The following HMCN2 variants were observed in gnomAD, a reference collection of about 807,000 sequenced individuals.
The protein encoded by HMCN2 is hemicentin-2.
Under a neutral mutation model 377.5 loss-of-function variants are expected in HMCN2, and 325 were observed. That is an observed-to-expected ratio of 0.86 (90% confidence interval 0.79 to 0.94). The LOEUF (loss-of-function observed/expected upper bound fraction) is 0.94. Ranked by LOEUF, HMCN2 falls within the 40% of genes least tolerant of loss-of-function variation. HMCN2 has a pLI of 0.00. For synonymous variants in HMCN2, 2,007 were observed against 2,046.8 expected (o/e 0.98, Z 0.53); for missense variants, 4,543 against 4,725.3 (o/e 0.96, Z 1.13).
chr9:130,425,590 G>A (rs1844290121), intron 89 of HMCN2, 97 bp from the exon 90 acceptor site: 2 of 904,718 alleles, frequency 2.2e-6, no homozygotes, highest in Admixed American at 4.2e-5. Context: ...CTGCTTGGGA[G>A]TTGAAATCTC....
chr9:130,368,505 A>T, intron 44 of HMCN2, 68 bp downstream of exon 44: 1 of 865,834 alleles, frequency 1.2e-6, no homozygotes, highest in Non-Finnish European at 1.4e-6. Context: ...GCTGCCCTGA[A>T]ATTGGAGCAA....
At chr9:130,297,199 C>T (rs1836216072) in intron 7 of HMCN2, among the ~76,000 whole-genome samples, 1 of 152,202 alleles carries the variant, frequency 6.6e-6, no homozygotes, top group Admixed American at 6.5e-5. Context: ...AGAACACATG[C>T]CAGTGAGTTG....
chr9:130,355,969 G>A, intron 33 of HMCN2, 115 bp downstream of exon 33: 1 of 905,894 alleles, frequency 1.1e-6, no homozygotes, highest in South Asian at 1.6e-5. Flanking sequence ...GTAGGAAAGA[G>A]GCCTGGAGCC....
intron 49 of HMCN2, among the ~76,000 whole-genome samples, chr9:130,374,923 G>T (rs1435263376): frequency 6.6e-6 from 1 of 152,216 alleles, no homozygotes; most frequent in Non-Finnish European, 1.5e-5. Context: ...GGTGGGAGAT[G>T]TGCTTGTCCC....
rs1265670468 is a variant in HMCN2, at chr9:130,369,576, C to G, written c.6794C>G (p.Pro2265Arg). The change falls in exon 45 of 98, where the codon CCT becomes CGT. Residue 2265 changes from proline (P) to arginine (R), a missense_variant. By Grantham distance (103) the Pro-to-Arg change is moderately radical. This residue lies in a region of HMCN2 where 1,032 missense variants were observed against 1,285.1 expected (regional missense o/e 0.80). Transcript: ENST00000683500. The surrounding 1 kb of genome is among the most constrained non-coding windows in gnomAD (Gnocchi z 4.5). The part of the protein sequence containing the change: ...QDLQLEVHVP[P>R]QIAGPREPPT... ...TTTCTCCCCACCCCAACAGTTCCCC[C>G]TCAGATTGCCGGTCCCCGGGAGCCT... The G allele has an allele frequency of 6.1e-6, 6 of 985,864 alleles. No individual in the cohort carries two copies. In the East Asian group the frequency reaches 4.5e-4, roughly 75 times the overall value. 61.1% of individuals were successfully genotyped at this position (985,864 alleles called of 1,614,324 possible).
intron 89 of HMCN2, among the ~76,000 whole-genome samples, 191 bp from the exon 90 acceptor site, chr9:130,425,495 CA>C (rs1415250372): frequency 2.0e-5 from 3 of 151,852 alleles, no homozygotes; most frequent in Admixed American, 1.3e-4. Context: ...CATCTCTTCC[CA>C]AGGCTCACCC....
intron 15 of HMCN2, among the ~76,000 whole-genome samples, chr9:130,318,962 G>A (rs1486822708): frequency 6.6e-6 from 1 of 152,160 alleles, no homozygotes; most frequent in Non-Finnish European, 1.5e-5. Context: ...GCTGAGTCCC[G>A]CCAGGCCCCC....
At chr9:130,386,402 C>T (rs1842022915) in intron 60 of HMCN2, 41 bp from the exon 61 acceptor site, 2 of 1,259,352 alleles carry the variant, frequency 1.6e-6, no homozygotes, top group African/African-American at 3.1e-5. Context: ...ACCCCACTTC[C>T]AGCTCCAGCA....
intron 11 of HMCN2, 141 bp from the exon 12 acceptor site, chr9:130,305,988 G>C (rs568661914): frequency 4.1e-4 from 156 of 377,184 alleles, no homozygotes; most frequent in Non-Finnish European, 7.7e-4. Flanking sequence ...ACACCCGGGA[G>C]ATTGAAGCCC....
chr9:130,278,244 C>A (rs1554924209), intron 1 of HMCN2, among the ~76,000 whole-genome samples: 1 of 152,174 alleles, frequency 6.6e-6, no homozygotes, highest in East Asian at 1.9e-4. Flanking sequence ...CCTGCCTCAG[C>A]CTCCCGAGTA....
chr9:130,391,230 G>A lies in HMCN2; in HGVS notation c.9694G>A (p.Val3232Met), dbSNP rs377210084. ...LVAPRIRSSG[V>M]AREHHVLEGQ... ...GGCCCCCCGGATCCGGAGCTCGGGC[G>A]TGGCGCGGGAGCACCATGTCTTGGA... is the stretch of plus-strand genomic sequence containing the variant. The change falls in exon 64 of 98, where the codon GTG becomes ATG. Residue 3232 changes from valine (V) to methionine (M), a missense_variant. Val to Met is a conservative substitution (Grantham distance 21, BLOSUM62 1). Coordinates refer to ENST00000683500, the MANE Select transcript of HMCN2 (RefSeq NM_001291815.2). 132 of 987,856 alleles carry A rather than the reference G, an allele frequency of 1.3e-4. No individual in the cohort carries two copies. In the African/African-American group the frequency reaches 1.9e-3, roughly 14 times the overall value. The allele number at this position is 987,856 out of a possible 1,614,324, so 61.2% of individuals were successfully genotyped here. A position where few individuals can be genotyped will look rare whatever the true frequency, so the allele number is the denominator to read the frequency against.
At chr9:130,381,273 C>T (rs1464254982) in intron 54 of HMCN2, among the ~76,000 whole-genome samples, 2 of 152,212 alleles carry the variant, frequency 1.3e-5, no homozygotes, top group Non-Finnish European at 2.9e-5. Context: ...CCGGGCCGGC[C>T]AGCCCCAGCC....
intron 24 of HMCN2, among the ~76,000 whole-genome samples, chr9:130,342,096 C>T (rs2131480674): frequency 6.6e-6 from 1 of 152,206 alleles, no homozygotes; most frequent in South Asian, 2.1e-4. Context: ...AGGGACCACT[C>T]ATGGCCCCTT....
chr9:130,394,926 T>C lies in HMCN2; in HGVS notation c.10693-101T>C. ...AGGTGGATGGCAGACCTCGCAGGGCTGAGTTTGAATCCTGGGTCCCTCGAT... is the reference window on the plus strand; with the variant it reads ...AGGTGGATGGCAGACCTCGCAGGGCCGAGTTTGAATCCTGGGTCCCTCGAT... On this transcript the variant is annotated intron_variant, in intron 69 of 97. Coordinates refer to ENST00000683500, the MANE Select transcript of HMCN2 (RefSeq NM_001291815.2). The surrounding 1 kb of genome is among the most constrained non-coding windows in gnomAD (Gnocchi z 5.1). The C allele has an allele frequency of 1.4e-6, 1 of 727,524 alleles. No homozygotes were observed. The highest frequency in any genetic ancestry group is 2.0e-6 in the Non-Finnish European group (1 of 506,508). The allele number at this position is 727,524 out of a possible 1,614,324, so 45.1% of individuals were successfully genotyped here.
chr9:130,419,595 A>G (rs1249711491), intron 86 of HMCN2: 1 of 152,366 alleles, frequency 6.6e-6, no homozygotes, highest in African/African-American at 2.4e-5. Flanking sequence ...AAGGCAAGTC[A>G]TAAGATATTA....
rs182006368 is a variant in HMCN2 at position 130,384,826 on chromosome 9, A to G, written c.9106+28A>G. ...ATGTCCATGTCTGTCCCCAACTTGT[A>G]CTGTCCCCACTCCTTCAGTCACCCC... On this transcript the variant is annotated intron_variant, in intron 59 of 97. Transcript: ENST00000683500. 1,572 of 1,250,260 alleles carry G rather than the reference A, an allele frequency of 1.3e-3. 4 individuals are homozygous for G. The highest frequency in any genetic ancestry group is 8.3e-4 in the Non-Finnish European group (783 of 941,658). The allele number at this position is 1,250,260 out of a possible 1,614,324, so 77.4% of individuals were successfully genotyped here. A position where few individuals can be genotyped will look rare whatever the true frequency, so the allele number is the denominator to read the frequency against.
At chr9:130,391,910 C>T in intron 65 of HMCN2, 25 bp from the exon 66 acceptor site, 1 of 985,464 alleles carries the variant, frequency 1.0e-6, no homozygotes, top group African/African-American at 1.7e-5. Context: ...TCCGCACTAC[C>T]CCTCTTTTTT....
At chr9:130,386,226 C>T (rs1419082267) in intron 60 of HMCN2, among the ~76,000 whole-genome samples, 1 of 152,172 alleles carries the variant, frequency 6.6e-6, no homozygotes, top group Admixed American at 6.5e-5. Flanking sequence ...GAGGGAGGTC[C>T]CCAGAGCCTG....
intron 85 of HMCN2, among the ~76,000 whole-genome samples, chr9:130,415,420 C>T (rs1420528688): frequency 6.6e-6 from 1 of 152,170 alleles, no homozygotes; most frequent in Admixed American, 6.5e-5. Flanking sequence ...TCACTGCAGC[C>T]TTGACCTCCT....
Sources: gnomAD v4.1 joint callset for allele counts (sites outside exome capture counted in the v4.1 genomes callset) on GRCh38, gnomAD v4.1.1 for gene constraint, gnomAD v4.1.1 regional missense constraint, Gnocchi (gnomAD v3.1) non-coding constraint, MANE v1.5 for transcripts, NCBI Gene and HGNC (gene_info 2026-07-23, HGNC 2026-07-21) for gene names.